The following PHF2 variants were observed in gnomAD, a reference collection of about 807,000 sequenced individuals.
PHF2 encodes lysine-specific demethylase PHF2.
PHF2 carries 27 observed loss-of-function variants against 120.5 expected under a neutral mutation model. The ratio of observed to expected loss-of-function variants is 0.22; its 90% CI spans 0.17 to 0.31. The LOEUF (loss-of-function observed/expected upper bound fraction) is 0.31, where lower values mean the gene tolerates loss of function less well. Ranked by LOEUF, PHF2 falls within the 10% of genes least tolerant of loss-of-function variation. PHF2 has a pLI of 1.00. For missense variants in PHF2, 1,024 were observed against 1,434.8 expected, an observed-to-expected ratio of 0.71 and a Z score of 4.63; for synonymous variants, 568 against 592.5, an observed-to-expected ratio of 0.96 and a Z score of 0.60.
In PHF2 at chr9:93,576,624, G is replaced by A. The variant is rs1862816495; in HGVS notation, c.-150G>A. 6.8e-6 allele frequency: 1 copy of A among 147,294 alleles called. No individual in the cohort carries two copies. The highest frequency in any genetic ancestry group is 2.5e-5 in the African/African-American group (1 of 40,228). The allele number at this position is 147,294 out of a possible 1,614,324, so 9.1% of individuals were successfully genotyped here. Reference sequence around the variant, plus strand: ...CTGGCCGGGAGCGCGCGCGGGGGCTGTCGTGCGCCCCCGTCCCCGTCCCCT... The same window carrying A: ...CTGGCCGGGAGCGCGCGCGGGGGCTATCGTGCGCCCCCGTCCCCGTCCCCT... On this transcript the variant is annotated 5_prime_UTR_variant, in exon 1 of 22. Transcript: ENST00000359246.
intron 19 of PHF2, 126 bp from the exon 20 acceptor site, chr9:93,675,554 A>G: frequency 1.4e-6 from 1 of 703,566 alleles, no homozygotes; most frequent in Non-Finnish European, 2.4e-6. Context: ...CACAGCCAGG[A>G]ATCCCTGTGC....
chr9:93,646,389 C>G lies in PHF2; in HGVS notation c.460+600C>G, dbSNP rs528923385. On this transcript the variant is annotated intron_variant, in intron 4 of 21. Coordinates refer to ENST00000359246, the MANE Select transcript of PHF2 (RefSeq NM_005392.4). ...GAGAGGCCAGCACACCTAGCAGTGA[C>G]CCTGACAGGCCAGTGGCCACATGGC... Among the ~76,000 whole-genome samples, 14 of 152,360 alleles carry G rather than the reference C, an allele frequency of 9.2e-5. No individual in the cohort carries two copies. In the South Asian group the frequency reaches 2.7e-3, roughly 29 times the overall value.
At chr9:93,673,930 C>T (rs1826857796) in intron 18 of PHF2, 68 bp downstream of exon 18, 8 of 1,465,570 alleles carry the variant, frequency 5.5e-6, no homozygotes, top group Non-Finnish European at 7.3e-6. Context: ...AGAATGGAGA[C>T]AGTAGCATAA....
intron 3 of PHF2, among the ~76,000 whole-genome samples, chr9:93,645,408 C>A (rs1459760484): frequency 1.3e-5 from 2 of 152,248 alleles, no homozygotes; most frequent in East Asian, 3.9e-4. Context: ...GACCCCATGT[C>A]CCTGCTCCCC....
At chr9:93,625,197 ATAT>A (rs1185673080) in intron 1 of PHF2, among the ~76,000 whole-genome samples, 40 of 152,104 alleles carry the variant, frequency 2.6e-4, no homozygotes, top group African/African-American at 9.2e-4. Context: ...TATTGTAAAC[ATAT>A]TATCATTTCA....
chr9:93,605,755 C>T (rs1307927292), intron 1 of PHF2, among the ~76,000 whole-genome samples: 1 of 152,052 alleles, frequency 6.6e-6, no homozygotes, highest in Non-Finnish European at 1.5e-5. Context: ...CTTTTTAGCA[C>T]TGAGTAATAT....
At chr9:93,666,619 G>A (rs12551694) in intron 16 of PHF2, among the ~76,000 whole-genome samples, 9,317 of 152,314 alleles carry the variant, frequency 0.061, 398 homozygotes, top group Non-Finnish European at 0.089. Flanking sequence ...TCATTAGAAG[G>A]GCAGCGGCTC....
chr9:93,663,384 G>A, intron 13 of PHF2, 133 bp from the exon 14 acceptor site: 1 of 690,930 alleles, frequency 1.4e-6, no homozygotes, highest in South Asian at 1.8e-5. Flanking sequence ...AGTGGCCCGG[G>A]TGGCCACCAG....
At chr9:93,586,372 G>C (rs1018102652) in intron 1 of PHF2, among the ~76,000 whole-genome samples, 1 of 152,246 alleles carries the variant, frequency 6.6e-6, no homozygotes, top group African/African-American at 2.4e-5. Context: ...AGCCAGGCAG[G>C]GAGAGGTTTT....
chr9:93,660,283 C>G lies in PHF2; in HGVS notation c.1421C>G (p.Ser474Cys), dbSNP rs772256270. Residue 474 changes from serine to cysteine, a missense_variant, in exon 12 of 22, where the codon TCT (serine) becomes TGT (cysteine). Ser to Cys is a moderately radical substitution (Grantham distance 112). Coordinates refer to ENST00000359246, the MANE Select transcript of PHF2 (RefSeq NM_005392.4). Reference sequence around the variant, plus strand: ...GACCGGGAGAAGGAGGAGCCCCCGTCTCCCATTGAGGCCACCCCGCCTCAA... The same window carrying G: ...GACCGGGAGAAGGAGGAGCCCCCGTGTCCCATTGAGGCCACCCCGCCTCAA... ...DGDREKEEPP[S>C]PIEATPPQSL... 4.3e-6 allele frequency: 7 copies of G among 1,610,576 alleles called. No homozygotes were observed. The South Asian group carries it at 7.7e-5, about 18-fold the overall frequency.
intron 1 of PHF2, among the ~76,000 whole-genome samples, chr9:93,593,233 C>G (rs558505152): frequency 6.6e-6 from 1 of 152,106 alleles, no homozygotes; most frequent in African/African-American, 2.4e-5. Flanking sequence ...CCAAAGCTGA[C>G]CCCTGAGGGC....
intron 16 of PHF2, among the ~76,000 whole-genome samples, chr9:93,666,297 C>T (rs55748036): frequency 4.6e-5 from 7 of 152,232 alleles, no homozygotes; most frequent in East Asian, 1.9e-4. Flanking sequence ...AGCCTCCTGC[C>T]GGGGGAGGTT....
At chr9:93,624,510 C>T (rs1418284541) in intron 1 of PHF2, among the ~76,000 whole-genome samples, 5 of 140,374 alleles carry the variant, frequency 3.6e-5, no homozygotes, top group South Asian at 2.4e-4. Context: ...GTGATGACAA[C>T]GGTGATGGTG....
Position 93,673,807 on chromosome 9 carries a change from C to T in PHF2, c.2571C>T (p.Asp857=), listed in dbSNP as rs368595483. Residue 857 remains aspartate (D), a synonymous_variant, in exon 18 of 22, where the codon GAC becomes GAT. Coordinates refer to ENST00000359246, the MANE Select transcript of PHF2 (RefSeq NM_005392.4). ...CTGCCAAGAACAGTGTCGACCTGGA[C>T]GACTACGAGGAAGAGCAGGACCACC... The part of the protein sequence containing the change: ...KRAAKNSVDL[D]DYEEEQDHLD... 6.3e-5 allele frequency: 102 copies of T among 1,611,316 alleles called. No individual in the cohort carries two copies. Among genetic ancestry groups the T allele is most frequent in the Admixed American group, 1.8e-4 (11 of 59,910 alleles).
chr9:93,600,566 A>C (rs1825421452), intron 1 of PHF2, among the ~76,000 whole-genome samples: 1 of 152,190 alleles, frequency 6.6e-6, no homozygotes, highest in Non-Finnish European at 1.5e-5. Context: ...GACCAGAGTG[A>C]GCTCTTCACC....
chr9:93,655,784 AG>A, intron 7 of PHF2, 149 bp from the exon 8 acceptor site: 1 of 613,448 alleles, frequency 1.6e-6, no homozygotes, highest in Non-Finnish European at 3.0e-6. Flanking sequence ...AGAGGTGGAC[AG>A]GGCACCAAGG....
chr9:93,676,462 T>G, intron 20 of PHF2, 132 bp from the exon 21 acceptor site: 1 of 1,083,716 alleles, frequency 9.2e-7, no homozygotes, highest in Non-Finnish European at 1.3e-6. Context: ...CGGCCCAGAG[T>G]CAGGCCTCAG....
intron 13 of PHF2, 114 bp from the exon 14 acceptor site, chr9:93,663,403 G>A (rs1826614296): frequency 1.4e-6 from 1 of 733,426 alleles, no homozygotes; most frequent in Non-Finnish European, 2.4e-6. Context: ...AGAGCTATGG[G>A]TGACTTTCCT....
Position 93,674,999 on chromosome 9 carries a change from A to C in PHF2, c.2699A>C (p.Asp900Ala). 1 of 1,613,790 alleles carries C rather than the reference A, an allele frequency of 6.2e-7. No homozygotes were observed. Among genetic ancestry groups the C allele is most frequent in the Non-Finnish European group, 8.5e-7 (1 of 1,179,958 alleles). ...KSRSKKRKGS[D>A]DAPYSPTARV... ...CGGTCGAAGAAAAGGAAAGGCTCAG[A>C]CGACGCTCCCTACAGCCCAACAGGT... is the stretch of plus-strand genomic sequence containing the variant. Residue 900 changes from aspartate to alanine, a missense_variant, in exon 19 of 22, where the codon GAC becomes GCC. Transcript: ENST00000359246.
Sources: gnomAD v4.1 joint callset for allele counts (sites outside exome capture counted in the v4.1 genomes callset) on GRCh38, gnomAD v4.1.1 for gene constraint, MANE v1.5 for transcripts, NCBI Gene and HGNC (gene_info 2026-07-23, HGNC 2026-07-21) for gene names.